Variants in COL5A1 observed in about 807,000 individuals in gnomAD.
COL5A1 encodes the protein collagen alpha-1(V) chain.
Under a neutral mutation model 263.7 loss-of-function variants are expected in COL5A1, and 16 were observed. That is an observed-to-expected ratio of 0.06 (90% CI 0.04 to 0.09). COL5A1 has a LOEUF of 0.09. Ranked by LOEUF, COL5A1 falls within the 10% of genes least tolerant of loss-of-function variation. The probability of loss-of-function intolerance (pLI) is 1.00; values close to 1 mark genes in which losing one functional copy is unlikely to be tolerated. For synonymous variants in COL5A1, 1,012 were observed against 1,004.5 expected (o/e 1.01, Z -0.14); for missense variants, 2,036 against 2,540.5 (o/e 0.80, Z 4.27).
intron 64 of COL5A1, among the ~76,000 whole-genome samples, chr9:134,831,970 A>G (rs1179103026): frequency 2.6e-5 from 4 of 152,126 alleles, no homozygotes; most frequent in Non-Finnish European, 5.9e-5. Flanking sequence ...TCTCAAAGAT[A>G]CCCAGATTTT....
At chr9:134,784,613 C>T (rs1293057996) in intron 29 of COL5A1, among the ~76,000 whole-genome samples, 1 of 152,260 alleles carries the variant, frequency 6.6e-6, no homozygotes, top group Non-Finnish European at 1.5e-5. Flanking sequence ...CTCCCAGTCA[C>T]TCTGCTCTAT....
chr9:134,758,588 C>T lies in COL5A1; in HGVS notation c.1935+292C>T, dbSNP rs535329266. Among the ~76,000 whole-genome samples the T allele has an allele frequency of 4.7e-4, 71 of 152,246 alleles. No individual in the cohort carries two copies. Among genetic ancestry groups the T allele is most frequent in the African/African-American group, 1.7e-3 (69 of 41,548 alleles). On this transcript the variant is annotated intron_variant, in intron 18 of 65. Coordinates refer to ENST00000371817, the MANE Select transcript of COL5A1 (RefSeq NM_000093.5). This position sits in a 1 kb window ranked among gnomAD's most constrained non-coding sequence, Gnocchi z 4.1. ...GCGTGAAGGGGGCAGGGAAGGAGCC[C>T]TTCCTTTTAGAGATCTGTTTAATGG...
chr9:134,707,553 ACAGAGGAGCCC>A (rs1833881216), intron 4 of COL5A1, among the ~76,000 whole-genome samples: 1 of 30,644 alleles, frequency 3.3e-5, no homozygotes, highest in African/African-American at 1.6e-4. Context: ...GTGAGTGGGA[ACAGAGGAGCCC>A]TGGGATTCCT....
intron 11 of COL5A1, among the ~76,000 whole-genome samples, chr9:134,744,880 C>T (rs934017218): frequency 2.6e-5 from 4 of 151,250 alleles, no homozygotes; most frequent in African/African-American, 4.9e-5. Flanking sequence ...TGCACTCACA[C>T]ACCTGCACAC....
intron 28 of COL5A1, among the ~76,000 whole-genome samples, chr9:134,782,151 G>C (rs1473225420): frequency 6.6e-6 from 1 of 152,174 alleles, no homozygotes; most frequent in Non-Finnish European, 1.5e-5. Context: ...CCAGGGGTGC[G>C]CGGGCCGCTG....
intron 19 of COL5A1, among the ~76,000 whole-genome samples, chr9:134,763,047 G>T (rs1175260271): frequency 1.3e-5 from 2 of 152,184 alleles, no homozygotes; most frequent in African/African-American, 4.8e-5. Flanking sequence ...GTGTGCACAA[G>T]CATGTGAGCA....
At chr9:134,831,353 G>A (rs1490798307) in intron 64 of COL5A1, among the ~76,000 whole-genome samples, 3 of 152,208 alleles carry the variant, frequency 2.0e-5, no homozygotes, top group Non-Finnish European at 4.4e-5. Flanking sequence ...CTGTGTTTCT[G>A]GAGGCTTCCC....
chr9:134,744,257 T>TCA (rs1230429636), intron 11 of COL5A1, among the ~76,000 whole-genome samples: 2 of 152,188 alleles, frequency 1.3e-5, no homozygotes, highest in South Asian at 2.1e-4. Context: ...TCAGAGAGGT[T>TCA]CACACACACA....
intron 5 of COL5A1, among the ~76,000 whole-genome samples, chr9:134,728,429 G>C (rs1195772804): frequency 6.6e-6 from 1 of 152,226 alleles, no homozygotes; most frequent in Non-Finnish European, 1.5e-5. Flanking sequence ...ATCTTTCTCT[G>C]ACTGCTCGAG....
At chr9:134,643,495 C>T (rs939033776) in intron 1 of COL5A1, among the ~76,000 whole-genome samples, 1 of 152,150 alleles carries the variant, frequency 6.6e-6, no homozygotes, top group Non-Finnish European at 1.5e-5. Context: ...CACTCTTTTC[C>T]TTTTTCCCTG....
intron 37 of COL5A1, among the ~76,000 whole-genome samples, 179 bp from the exon 38 acceptor site, chr9:134,801,775 A>G (rs1176011839): frequency 6.8e-6 from 1 of 147,256 alleles, no homozygotes; most frequent in Non-Finnish European, 1.5e-5. Context: ...CGACAGAGCG[A>G]GACTCTCCAT....
intron 31 of COL5A1, among the ~76,000 whole-genome samples, chr9:134,788,686 T>TAGATGGATAGACAGATAGATGGATAGAC: frequency 6.7e-6 from 1 of 148,296 alleles, no homozygotes; most frequent in Admixed American, 6.7e-5. Flanking sequence ...GATAGACAGA[T>TAGATGGATAGACAGATAGATGGATAGAC]AGGTGGGCCA....
chr9:134,661,831 C>A (rs975716452), intron 1 of COL5A1, among the ~76,000 whole-genome samples: 7 of 152,202 alleles, frequency 4.6e-5, no homozygotes, highest in Non-Finnish European at 7.3e-5. Flanking sequence ...GCAGTGCCAA[C>A]CTCGCTGTTC....
chr9:134,783,937 G>A (rs1198741635), intron 29 of COL5A1, among the ~76,000 whole-genome samples: 3 of 152,194 alleles, frequency 2.0e-5, no homozygotes, highest in South Asian at 2.1e-4. Context: ...CACATGTGGC[G>A]TCCACGTGAC....
intron 6 of COL5A1, among the ~76,000 whole-genome samples, chr9:134,729,353 G>A (rs567588154): frequency 6.7e-4 from 102 of 152,316 alleles, no homozygotes; most frequent in African/African-American, 2.3e-3. Context: ...AGTGTGTATG[G>A]GTGGGTGTCC....
intron 2 of COL5A1, among the ~76,000 whole-genome samples, chr9:134,695,731 T>C (rs1833437069): frequency 6.6e-6 from 1 of 152,170 alleles, no homozygotes. Context: ...CACTCTATCT[T>C]CGACCCCATG....
chr9:134,690,874 T>G (rs780170643), intron 1 of COL5A1, 38 bp from the exon 2 acceptor site: 2 of 1,612,750 alleles, frequency 1.2e-6, no homozygotes, highest in Admixed American at 3.3e-5. Context: ...GCTCCTTTCC[T>G]CTCCGTGGCT....
chr9:134,806,992 A>G (rs1208183950), intron 42 of COL5A1, among the ~76,000 whole-genome samples: 1 of 152,146 alleles, frequency 6.6e-6, no homozygotes, highest in Non-Finnish European at 1.5e-5. Flanking sequence ...TCCAAGAAGG[A>G]GATGAGCGAG....
intron 29 of COL5A1, among the ~76,000 whole-genome samples, chr9:134,784,635 G>A (rs1395059573): frequency 6.6e-6 from 1 of 152,252 alleles, no homozygotes; most frequent in Non-Finnish European, 1.5e-5. Flanking sequence ...TGGAGAAACA[G>A]CAATTCAGAG....
Sources: allele counts gnomAD v4.1 joint callset (sites outside exome capture counted in the v4.1 genomes callset), GRCh38; gene constraint gnomAD v4.1.1; non-coding constraint Gnocchi (gnomAD v3.1); transcripts MANE v1.5; gene names NCBI Gene and HGNC (gene_info 2026-07-23, HGNC 2026-07-21).